CPAP: variants seen among roughly 807,000 people sequenced by gnomAD.
The protein encoded by CPAP is centrosomal P4.1-associated protein.
At chr13:24,926,094 G>A in the CPAP span, among the ~76,000 whole-genome samples, 1 of 152,196 alleles carries the variant, frequency 6.6e-6, no homozygotes, top group Admixed American at 6.5e-5. Context: ...CGTCCAGCCA[G>A]GGTCTGTGGG....
chr13:24,921,743 G>C, the CPAP span, among the ~76,000 whole-genome samples: 1 of 151,990 alleles, frequency 6.6e-6, no homozygotes, highest in Non-Finnish European at 1.5e-5. Flanking sequence ...TCATAATATG[G>C]AAAACTAGAA....
chr13:24,905,468 C>T, the CPAP span: 29 of 1,614,166 alleles, frequency 1.8e-5, no homozygotes, highest in Non-Finnish European at 2.2e-5. Context: ...AGGACTTCTG[C>T]TCCTCCTGGA....
chr13:24,896,943 G>A, the CPAP span, among the ~76,000 whole-genome samples: 1 of 152,112 alleles, frequency 6.6e-6, no homozygotes, highest in Non-Finnish European at 1.5e-5. Context: ...TATATGTCTT[G>A]TTCACTAAAA....
At chr13:24,933,217 CAG>C in the CPAP span, 3 of 1,033,522 alleles carry the variant, frequency 2.9e-6, no homozygotes, top group East Asian at 4.8e-5. Context: ...GAAGAGGAAA[CAG>C]AGATTAGCAG....
the CPAP span, among the ~76,000 whole-genome samples, chr13:24,929,382 T>C: frequency 3.1e-3 from 469 of 152,350 alleles, no homozygotes; most frequent in African/African-American, 0.011. Flanking sequence ...TTCTACAGGA[T>C]AGTTTTGACA....
At chr13:24,905,963 C>A in the CPAP span, 1 of 1,614,034 alleles carries the variant, frequency 6.2e-7, no homozygotes, top group Non-Finnish European at 8.5e-7. Context: ...TTCATCGTCA[C>A]GTGCATTCCA....
At chr13:24,912,079 T>A in the CPAP span, 1 of 1,611,606 alleles carries the variant, frequency 6.2e-7, no homozygotes, top group Non-Finnish European at 8.5e-7. Context: ...GCTTTTTAAA[T>A]ACAAAATTAA....
the CPAP span, chr13:24,905,669 T>C: frequency 6.2e-7 from 1 of 1,614,246 alleles, no homozygotes; most frequent in Non-Finnish European, 8.5e-7. Context: ...AAAGTCCATT[T>C]TACTCAGACT....
At chr13:24,887,843 A>C in the CPAP span, among the ~76,000 whole-genome samples, 1 of 152,184 alleles carries the variant, frequency 6.6e-6, no homozygotes, top group Non-Finnish European at 1.5e-5. Flanking sequence ...TGCTGTTGGA[A>C]AAATGGCACC....
the CPAP span, among the ~76,000 whole-genome samples, chr13:24,915,071 T>C: frequency 6.6e-6 from 1 of 150,862 alleles, no homozygotes; most frequent in Non-Finnish European, 1.5e-5. Context: ...TGAGACTCTC[T>C]CTCAAAAAAT....
chr13:24,884,830 C>T, the CPAP span, among the ~76,000 whole-genome samples: 3 of 152,130 alleles, frequency 2.0e-5, no homozygotes, highest in African/African-American at 4.8e-5. Flanking sequence ...ATTAGGTATT[C>T]GAAAAGTAAA....
chr13:24,912,597 A>G, the CPAP span: 30 of 1,613,568 alleles, frequency 1.9e-5, no homozygotes, highest in African/African-American at 3.3e-4. Flanking sequence ...CAAGTTTTTT[A>G]AAAAGTGGGT....
At chr13:24,889,550 AG>A in the CPAP span, 4 of 649,528 alleles carry the variant, frequency 6.2e-6, no homozygotes, top group Non-Finnish European at 1.1e-5. Flanking sequence ...AAAGCAAACA[AG>A]CTGTTATCTA....
chr13:24,931,302 G>GTTT, the CPAP span, among the ~76,000 whole-genome samples: 8 of 9,054 alleles, frequency 8.8e-4, no homozygotes, highest in East Asian at 3.8e-3. Flanking sequence ...ATTTTTTCAT[G>GTTT]TTTCTTTTTT....
chr13:24,914,004 G>A, the CPAP span, among the ~76,000 whole-genome samples: 382 of 152,120 alleles, frequency 2.5e-3, 7 homozygotes, highest in African/African-American at 8.8e-3. Flanking sequence ...TTGCCCCTGG[G>A]TACATAGCAG....
chr13:24,919,735 A>G, the CPAP span, among the ~76,000 whole-genome samples: 2 of 151,026 alleles, frequency 1.3e-5, no homozygotes, highest in Non-Finnish European at 1.5e-5. Context: ...TGTCTGACAG[A>G]AGAATTTTAG....
chr13:24,900,374 C>G, the CPAP span, among the ~76,000 whole-genome samples: 2 of 152,176 alleles, frequency 1.3e-5, no homozygotes, highest in Non-Finnish European at 2.9e-5. Context: ...GTGGCTCACT[C>G]CTGTAATTCC....
chr13:24,905,602 A>C, the CPAP span: 7 of 1,614,162 alleles, frequency 4.3e-6, no homozygotes, highest in Admixed American at 1.2e-4. Context: ...CATTCCCAAG[A>C]ACAACATCAT....
chr13:24,907,375 T>C, the CPAP span, among the ~76,000 whole-genome samples: 1 of 152,122 alleles, frequency 6.6e-6, no homozygotes, highest in African/African-American at 2.4e-5. Flanking sequence ...TAAAGAAACA[T>C]ACAACACTCT....
Sources: gnomAD v4.1 joint callset for allele counts (sites outside exome capture counted in the v4.1 genomes callset) on GRCh38, gnomAD v4.1.1 for gene constraint, MANE v1.5 for transcripts, NCBI Gene and HGNC (gene_info 2026-07-23, HGNC 2026-07-21) for gene names.